The following ODF2 variants were observed in gnomAD, a reference collection of about 807,000 sequenced individuals.
The protein encoded by ODF2 is outer dense fiber of sperm tails 2.
ODF2 carries 47 observed loss-of-function variants against 110.2 expected under a neutral mutation model. The observed-to-expected ratio is 0.43, with a 90% CI of 0.34 to 0.54. The LOEUF (loss-of-function observed/expected upper bound fraction) is 0.54. Ranked by LOEUF, ODF2 falls within the 20% of genes least tolerant of loss-of-function variation. The pLI is 0.03. For missense variants in ODF2, 812 were observed against 1,054.5 expected (o/e 0.77, Z 3.19); for synonymous variants, 352 against 397.7 (o/e 0.89, Z 1.37).
chr9:128,472,875 G>C (rs55815193), intron 6 of ODF2, 38 bp from the exon 7 acceptor site: 2 of 1,612,320 alleles, frequency 1.2e-6, no homozygotes, highest in Non-Finnish European at 1.7e-6. Flanking sequence ...GCATGCGGGG[G>C]CCTGGGAGGG....
intron 14 of ODF2, among the ~76,000 whole-genome samples, chr9:128,488,534 C>T (rs955638226): frequency 1.3e-5 from 2 of 152,208 alleles, no homozygotes; most frequent in African/African-American, 4.8e-5. Context: ...AAATGAGGTC[C>T]TTGTGAGAAT....
intron 4 of ODF2, among the ~76,000 whole-genome samples, chr9:128,468,526 C>T (rs1450057291): frequency 1.3e-5 from 2 of 151,864 alleles, no homozygotes; most frequent in African/African-American, 4.8e-5. Context: ...ACTACACCCA[C>T]CTGATTTTTT....
In ODF2 at chr9:128,463,488, C is replaced by T. The variant is rs1252653153; in HGVS notation, c.249+2421C>T. On this transcript the variant is annotated intron_variant, in intron 4 of 20. Transcript: ENST00000604420. ...AAAAAATTAGCTGGGTGCAGTGGTA[C>T]GCACTTGTAGTCCTACTTACTTGGA... 4.6e-5 allele frequency among the ~76,000 whole-genome samples: 7 copies of T among 152,248 alleles called. No individual in the cohort carries two copies. In the East Asian group the frequency reaches 5.8e-4, roughly 13 times the overall value.
intron 1 of ODF2, chr9:128,456,873 C>G: frequency 7.6e-7 from 1 of 1,313,708 alleles, no homozygotes. Context: ...CGCCTCCCTC[C>G]TTTAAACACT....
In ODF2 at chr9:128,496,122, A is replaced by G. The variant is rs767599605; in HGVS notation, c.1993A>G (p.Lys665Glu). Residue 665 changes from lysine (K) to glutamate (E), a missense_variant, in exon 18 of 21, where the codon AAG (lysine) becomes GAG (glutamate). Coordinates refer to ENST00000604420, the Ensembl canonical transcript of ODF2. ...GAAGGAAAATAAACAGCTGAGTCTG[A>G]AGGTGGATGAACTGGAGAGGTTAGA... The G allele has an allele frequency of 4.5e-5, 73 of 1,613,860 alleles. 1 individual carries two copies. In the South Asian group the frequency reaches 7.2e-4, roughly 16 times the overall value.
In ODF2 at chr9:128,459,614, AG is replaced by A; in HGVS notation, c.82del (p.Val28SerfsTer2). ...GGAGTAACGAGTCTCACGCAGAAAA[AG>A]GTCTTGAGAGCACCTTGTGGCGCAC... On this transcript the variant is annotated frameshift_variant, in exon 3 of 21. Coordinates refer to ENST00000604420, the Ensembl canonical transcript of ODF2. LOFTEE classifies it high-confidence loss of function. The A allele has an allele frequency of 6.2e-7, 1 of 1,613,664 alleles. No individual in the cohort carries two copies.
chr9:128,494,455 G>A lies in ODF2; in HGVS notation c.1753-55G>A. 2 of 1,556,484 alleles carry A rather than the reference G, an allele frequency of 1.3e-6. No homozygotes were observed. Among genetic ancestry groups the A allele is most frequent in the Admixed American group, 3.4e-5 (2 of 59,402 alleles). The stretch of plus-strand genomic sequence containing the variant: ...CTCTGCCTGGCTCCACTAGGAGCCA[G>A]GTCTTTCCTAACTGTGGGTCTTTCC... On this transcript the variant is annotated intron_variant, in intron 16 of 20. Transcript: ENST00000604420. This position sits in a 1 kb window ranked among gnomAD's most constrained non-coding sequence, Gnocchi z 4.6.
chr9:128,459,713 T>G, intron 3 of ODF2, 56 bp downstream of exon 2: 1 of 1,372,172 alleles, frequency 7.3e-7, no homozygotes, highest in Non-Finnish European at 1.0e-6. Flanking sequence ...AAAATGCTTT[T>G]GCACACCGTT....
At chr9:128,460,273 C>T (rs1259119200) in intron 3 of ODF2, 25 of 1,357,974 alleles carry the variant, frequency 1.8e-5, no homozygotes, top group South Asian at 3.7e-5. Flanking sequence ...ACCCTGGGGC[C>T]GGCGTCTGGG....
Position 128,469,213 on chromosome 9 carries a change from C to T in ODF2, c.280C>T (p.Pro94Ser), listed in dbSNP as rs1185998851. 2.9e-5 allele frequency: 46 copies of T among 1,613,920 alleles called. No individual in the cohort carries two copies. The highest frequency in any genetic ancestry group is 3.9e-5 in the Non-Finnish European group (46 of 1,179,952). Residue 94 changes from proline (P) to serine (S), a missense_variant, in exon 5 of 21, where the codon CCA (proline) becomes TCA (serine). Transcript: ENST00000604420. Reference sequence around the variant, plus strand: ...ACCTCATTGCCTGGAGATCACGCCACCATCTTCAGAAAAGCTGGTCTCAGT... The same window carrying T: ...ACCTCATTGCCTGGAGATCACGCCATCATCTTCAGAAAAGCTGGTCTCAGT...
intron 2 of ODF2, among the ~76,000 whole-genome samples, 162 bp from the exon 2 acceptor site, chr9:128,459,405 C>T (rs1380439939): frequency 6.6e-6 from 1 of 152,142 alleles, no homozygotes; most frequent in Non-Finnish European, 1.5e-5. Context: ...GGGCACACCA[C>T]GCACATCTGG....
chr9:128,465,890 A>G (rs1448050997), intron 4 of ODF2, among the ~76,000 whole-genome samples: 2 of 152,242 alleles, frequency 1.3e-5, no homozygotes. Flanking sequence ...CTGTAATCCC[A>G]GCACTTTGGG....
chr9:128,471,574 G>C lies in ODF2; in HGVS notation c.581+106G>C, dbSNP rs1222739617. On this transcript the variant is annotated intron_variant, in intron 6 of 20. Coordinates refer to ENST00000604420, the Ensembl canonical transcript of ODF2. ...AACGTAGGAGGTGGGCACAGGCACT[G>C]TGCCTGTGCCCTGGAGCCTGTTCAA... The C allele has an allele frequency of 1.0e-5, 10 of 992,540 alleles. No homozygotes were observed. The East Asian group carries it at 1.1e-4, about 11-fold the overall frequency. The allele number at this position is 992,540 out of a possible 1,614,324, so 61.5% of individuals were successfully genotyped here. A position where few individuals can be genotyped will look rare whatever the true frequency, so the allele number is the denominator to read the frequency against.
exon 3 of ODF2, chr9:128,459,655 A>G (rs770380465): frequency 1.2e-5 from 19 of 1,611,900 alleles, no homozygotes. Context: ...TGTAACTGTG[A>G]CGGTAGGTGA....
intron 14 of ODF2, among the ~76,000 whole-genome samples, chr9:128,491,630 C>T (rs1404249649): frequency 6.6e-6 from 1 of 151,660 alleles, no homozygotes; most frequent in Non-Finnish European, 1.5e-5. Flanking sequence ...TGCCTTTGCA[C>T]TCCAGCCTGG....
At chr9:128,456,599 C>A in intron 1 of ODF2, 9 of 1,521,468 alleles carry the variant, frequency 5.9e-6, no homozygotes, top group Non-Finnish European at 7.9e-6. Flanking sequence ...CCCTTCTCTC[C>A]GCCGACAGAG....
intron 13 of ODF2, among the ~76,000 whole-genome samples, chr9:128,486,687 G>C (rs573620942): frequency 6.6e-6 from 1 of 152,194 alleles, no homozygotes; most frequent in South Asian, 2.1e-4. Context: ...AGAAGGGACT[G>C]GGGGTGGGGC....
intron 18 of ODF2, 174 bp downstream of exon 18, chr9:128,496,315 G>A: frequency 6.8e-7 from 1 of 1,477,706 alleles, no homozygotes; most frequent in Non-Finnish European, 9.0e-7. Flanking sequence ...TTGTGGGAGA[G>A]AGCAAGGGGG....
At chr9:128,456,473 C>T (rs1275549667) in intron 1 of ODF2, 1 of 1,522,992 alleles carries the variant, frequency 6.6e-7, no homozygotes, top group Non-Finnish European at 8.8e-7. Flanking sequence ...CGGCCGCCTC[C>T]TTCCTCTCTT....
Sources: gnomAD v4.1 joint callset for allele counts (sites outside exome capture counted in the v4.1 genomes callset) on GRCh38, gnomAD v4.1.1 for gene constraint, Gnocchi (gnomAD v3.1) non-coding constraint, MANE v1.5 for transcripts, NCBI Gene and HGNC (gene_info 2026-07-23, HGNC 2026-07-21) for gene names.